Variants in ANKRD30B observed in about 807,000 individuals in gnomAD.
The protein encoded by ANKRD30B is ankyrin repeat domain-containing protein 30B.
Under a neutral mutation model 202.2 loss-of-function variants are expected in ANKRD30B, and 144 were observed. The ratio of observed to expected loss-of-function variants is 0.71; its 90% CI spans 0.62 to 0.82. The LOEUF (loss-of-function observed/expected upper bound fraction) is 0.82. Ranked by LOEUF, ANKRD30B falls within the 40% of genes least tolerant of loss-of-function variation. The pLI is 0.00. For missense variants in ANKRD30B, 1,487 were observed against 1,669.1 expected (o/e 0.89, Z 1.90); for synonymous variants, 508 against 561.3 (o/e 0.91, Z 1.34).
the ANKRD30B span, among the ~76,000 whole-genome samples, chr18:14,912,123 T>A: frequency 2.0e-5 from 3 of 152,200 alleles, no homozygotes; most frequent in Non-Finnish European, 4.4e-5. Flanking sequence ...TTATTTTGTC[T>A]TATTCCTCTG....
At chr18:14,867,323 G>T in the ANKRD30B span, among the ~76,000 whole-genome samples, 5 of 123,486 alleles carry the variant, frequency 4.0e-5, 1 homozygote, top group South Asian at 1.4e-3. Context: ...GGGGGGGCAG[G>T]TTAGGGGTGG....
the ANKRD30B span, among the ~76,000 whole-genome samples, chr18:14,928,071 G>A: frequency 2.0e-5 from 3 of 151,990 alleles, no homozygotes; most frequent in African/African-American, 7.2e-5. Flanking sequence ...AGGTTCAAGC[G>A]ATTCTCCTGC....
chr18:14,804,112 G>A (rs1367662141), intron 24 of ANKRD30B, among the ~76,000 whole-genome samples: 1 of 37,406 alleles, frequency 2.7e-5, no homozygotes, highest in Non-Finnish European at 5.5e-5. Flanking sequence ...AATGAAGATC[G>A]AGAAAGACAG....
the ANKRD30B span, among the ~76,000 whole-genome samples, chr18:14,917,738 G>A: frequency 6.6e-6 from 1 of 152,226 alleles, no homozygotes; most frequent in Non-Finnish European, 1.5e-5. Context: ...CAGCATGAGT[G>A]TGCTCAGGGC....
chr18:14,797,207 T>C (rs777277220), intron 18 of ANKRD30B, among the ~76,000 whole-genome samples: 1 of 152,054 alleles, frequency 6.6e-6, no homozygotes, highest in Non-Finnish European at 1.5e-5. Context: ...TATGGACAGG[T>C]ACCCCCCCAT....
chr18:14,786,230 G>A (rs1384002273), intron 14 of ANKRD30B, among the ~76,000 whole-genome samples: 2 of 151,986 alleles, frequency 1.3e-5, no homozygotes, highest in African/African-American at 4.8e-5. Flanking sequence ...GTTATTTTTG[G>A]TATAAATTCA....
the ANKRD30B span, among the ~76,000 whole-genome samples, chr18:14,929,267 A>T: frequency 6.6e-6 from 1 of 151,664 alleles, no homozygotes; most frequent in Non-Finnish European, 1.5e-5. Context: ...ATTCCAACTC[A>T]CCCCTGAAGA....
At chr18:14,838,469 A>G (rs1971273752) in intron 36 of ANKRD30B, among the ~76,000 whole-genome samples, 1 of 152,232 alleles carries the variant, frequency 6.6e-6, no homozygotes, top group South Asian at 2.1e-4. Context: ...CACCTGTAAA[A>G]CTATAATAAC....
chr18:14,886,302 C>T, the ANKRD30B span, among the ~76,000 whole-genome samples: 1 of 151,968 alleles, frequency 6.6e-6, no homozygotes, highest in African/African-American at 2.4e-5. Flanking sequence ...CTTGATCTCC[C>T]AGACTACAAA....
intron 40 of ANKRD30B, among the ~76,000 whole-genome samples, 154 bp from the exon 41 acceptor site, chr18:14,850,060 G>A (rs397834442): frequency 6.6e-5 from 10 of 151,274 alleles, no homozygotes; most frequent in Admixed American, 1.3e-4. Flanking sequence ...AAGAGGTTAC[G>A]GAGTAATGAA....
intron 20 of ANKRD30B, among the ~76,000 whole-genome samples, chr18:14,798,163 G>A (rs535097542): frequency 5.3e-5 from 8 of 151,662 alleles, no homozygotes; most frequent in Middle Eastern, 6.8e-3. Flanking sequence ...GATAGTGAAA[G>A]CTGTGTCCAG....
rs1367117227 is a variant in ANKRD30B at position 14,786,901 on chromosome 18, A to T, written c.1673-138A>T. On this transcript the variant is annotated intron_variant, in intron 14 of 43. Transcript: ENST00000690538. ...TGATGGAGTGACTATAGAAGTAGTC[A>T]CTGTAATCAACAAAAAGAATATACA... 5.4e-6 allele frequency: 4 copies of T among 738,340 alleles called. No homozygotes were observed. In the East Asian group the frequency reaches 9.5e-5, roughly 18 times the overall value. 45.7% of individuals were successfully genotyped at this position (738,340 alleles called of 1,614,324 possible).
chr18:14,817,430 T>G (rs1000350284), intron 30 of ANKRD30B, among the ~76,000 whole-genome samples: 3 of 152,192 alleles, frequency 2.0e-5, no homozygotes, highest in Non-Finnish European at 4.4e-5. Context: ...CTGCATGGAT[T>G]TTGAACTTCA....
At chr18:14,817,534 G>A (rs142573885) in intron 30 of ANKRD30B, among the ~76,000 whole-genome samples, 232 of 152,252 alleles carry the variant, frequency 1.5e-3, no homozygotes, top group African/African-American at 5.3e-3. Context: ...TGATGAGATA[G>A]CTCTGAATGT....
chr18:14,847,717 A>T (rs1353161590), intron 39 of ANKRD30B, among the ~76,000 whole-genome samples: 1 of 151,030 alleles, frequency 6.6e-6, no homozygotes, highest in African/African-American at 2.4e-5. Flanking sequence ...TTATGAGCTG[A>T]CTCCCCACAC....
At chr18:14,923,098 C>G in the ANKRD30B span, among the ~76,000 whole-genome samples, 1 of 152,144 alleles carries the variant, frequency 6.6e-6, no homozygotes, top group Non-Finnish European at 1.5e-5. Flanking sequence ...CCCTGAAGAA[C>G]CAGCAGCAAT....
chr18:14,765,858 A>T (rs1404995848), intron 7 of ANKRD30B, among the ~76,000 whole-genome samples: 1 of 152,174 alleles, frequency 6.6e-6, no homozygotes, highest in African/African-American at 2.4e-5. Context: ...TTAAACCTGT[A>T]TGTCTTTCTT....
the ANKRD30B span, among the ~76,000 whole-genome samples, chr18:14,874,250 A>C: frequency 6.6e-6 from 1 of 152,194 alleles, no homozygotes; most frequent in East Asian, 1.9e-4. Context: ...TTCCTTTTGG[A>C]GATTTCAACC....
chr18:14,882,539 A>G, the ANKRD30B span, among the ~76,000 whole-genome samples: 85 of 152,190 alleles, frequency 5.6e-4, no homozygotes, highest in African/African-American at 2.0e-3. Context: ...GGTCTATCTT[A>G]GAGAAAATTC....
Sources: allele counts gnomAD v4.1 joint callset (sites outside exome capture counted in the v4.1 genomes callset), GRCh38; gene constraint gnomAD v4.1.1; transcripts MANE v1.5; gene names NCBI Gene and HGNC (gene_info 2026-07-23, HGNC 2026-07-21).